The following TRAF6 variants were observed in gnomAD, a reference collection of about 807,000 sequenced individuals.
TRAF6 encodes TNF receptor-associated factor 6.
TRAF6 carries 10 observed loss-of-function variants against 48.4 expected under a neutral mutation model. The observed-to-expected ratio is 0.21, with a 90% CI of 0.13 to 0.35. The LOEUF (loss-of-function observed/expected upper bound fraction) is 0.35, where lower values mean the gene tolerates loss of function less well. TRAF6 is among the 10% of genes least tolerant of loss of function. TRAF6 has a pLI of 1.00. For synonymous variants in TRAF6, 186 were observed against 219.6 expected (o/e 0.85, Z 1.35); for missense variants, 397 against 661.0 (o/e 0.60, Z 4.38).
intron 5 of TRAF6, 138 bp downstream of exon 5, chr11:36,494,838 A>T: frequency 2.2e-6 from 1 of 455,142 alleles, no homozygotes; most frequent in South Asian, 4.5e-5. Context: ...ATTAATTTAT[A>T]TAAAAAATTT....
At chr11:36,497,487 T>C (rs1859656398) in intron 3 of TRAF6, among the ~76,000 whole-genome samples, 2 of 152,228 alleles carry the variant, frequency 1.3e-5, no homozygotes, top group South Asian at 4.1e-4. Flanking sequence ...AGTTCATGCA[T>C]CCAACTAGCA....
rs1303380402 is a variant in TRAF6, at chr11:36,503,249, G to A, written c.-22-1712C>T. ...CCAGCACTACTACACTACATTGACAGAATTCCAAAGAATCTGCAAAGAAAC... is the reference window on the plus strand; with the variant it reads ...CCAGCACTACTACACTACATTGACAAAATTCCAAAGAATCTGCAAAGAAAC... On this transcript the variant is annotated intron_variant, in intron 1 of 6. Transcript: ENST00000526995. 2.0e-5 allele frequency among the ~76,000 whole-genome samples: 3 copies of A among 151,682 alleles called. No individual in the cohort carries two copies. The South Asian group carries it at 6.2e-4, about 32-fold the overall frequency.
chr11:36,495,012 G>T lies in TRAF6; in HGVS notation c.642C>A (p.Ile214=). 3.7e-6 allele frequency: 6 copies of T among 1,606,456 alleles called. No individual in the cohort carries two copies. Among genetic ancestry groups the T allele is most frequent in the Non-Finnish European group, 5.1e-6 (6 of 1,173,872 alleles). ...HDQNCPLANV[I]CEYCNTILIR... The stretch of plus-strand genomic sequence containing the variant: ...TGAGTATAGTATTGCAGTATTCACA[G>T]ATGACATTTGCCAAAGGACAGTTCT... Residue 214 remains isoleucine, a synonymous_variant, in exon 5 of 7, where the codon ATC becomes ATA. Coordinates refer to ENST00000526995, the MANE Select transcript of TRAF6 (RefSeq NM_004620.4).
In TRAF6 at chr11:36,485,818, T is replaced by C. The variant is rs899871450; in HGVS notation, c.*4020A>G. ...CATCCAATTTGATTTCATCAGATCA[T>C]CTTTCTGGATACTGGGAATTTGTAA... On this transcript the variant is annotated 3_prime_UTR_variant, in exon 7 of 7. Transcript: ENST00000526995. Among the ~76,000 whole-genome samples the C allele has an allele frequency of 2.0e-5, 3 of 152,128 alleles. No homozygotes were observed. The highest frequency in any genetic ancestry group is 4.8e-5 in the African/African-American group (2 of 41,376).
chr11:36,506,514 A>T (rs1859786458), intron 1 of TRAF6, among the ~76,000 whole-genome samples: 1 of 152,138 alleles, frequency 6.6e-6, no homozygotes, highest in Non-Finnish European at 1.5e-5. Flanking sequence ...CAAAGGCAGA[A>T]ATTATGAAGC....
At position 36,490,714 on chromosome 11, in the gene TRAF6, G is replaced by A. The variant is rs1859552181; in HGVS notation, c.757-64C>T. The A allele has an allele frequency of 2.1e-6, 3 of 1,456,380 alleles. No homozygotes were observed. The African/African-American group carries it at 4.2e-5, about 21-fold the overall frequency. 90.2% of individuals were successfully genotyped at this position (1,456,380 alleles called of 1,614,324 possible). ...CCGTGAGGAGTAGGAAAAGGACCTG[G>A]CCAGGTCAAATAAGAAGTTTTCAAG... On this transcript the variant is annotated intron_variant, in intron 6 of 6. Coordinates refer to ENST00000526995, the MANE Select transcript of TRAF6 (RefSeq NM_004620.4). The surrounding 1 kb of genome is among the most constrained non-coding windows in gnomAD (Gnocchi z 6.4).
Position 36,486,331 on chromosome 11 carries a change from G to A in TRAF6, c.*3507C>T, listed in dbSNP as rs1859483325. Among the ~76,000 whole-genome samples the A allele has an allele frequency of 2.0e-5, 3 of 152,116 alleles. No homozygotes were observed. The highest frequency in any genetic ancestry group is 4.8e-5 in the African/African-American group (2 of 41,382). On this transcript the variant is annotated 3_prime_UTR_variant, in exon 7 of 7. Transcript: ENST00000526995. Reference sequence around the variant, plus strand: ...TGGGATTATAGGCGTGAGCCACCGTGCCCAGCCTAATAGTATTTTATATAA... The same window carrying A: ...TGGGATTATAGGCGTGAGCCACCGTACCCAGCCTAATAGTATTTTATATAA...
chr11:36,498,674 AAG>A, intron 2 of TRAF6, 34 bp from the exon 3 acceptor site: 1 of 1,565,366 alleles, frequency 6.4e-7, no homozygotes, highest in Non-Finnish European at 8.6e-7. Flanking sequence ...ATTAGATTTA[AAG>A]ACTCACATTA....
In TRAF6 at chr11:36,486,665, A is replaced by G. The variant is rs1214372837; in HGVS notation, c.*3173T>C. Among the ~76,000 whole-genome samples the G allele has an allele frequency of 1.3e-5, 2 of 152,192 alleles. No homozygotes were observed. The highest frequency in any genetic ancestry group is 4.8e-5 in the African/African-American group (2 of 41,400). On this transcript the variant is annotated 3_prime_UTR_variant, in exon 7 of 7. Coordinates refer to ENST00000526995, the MANE Select transcript of TRAF6 (RefSeq NM_004620.4). ...CTATTTATCCCCAAAATAAAAGTTA[A>G]ATCATATTGTAGTATACCAATAAAC...
chr11:36,494,433 C>T (rs909581799), intron 5 of TRAF6, among the ~76,000 whole-genome samples: 5 of 152,088 alleles, frequency 3.3e-5, no homozygotes, highest in Non-Finnish European at 7.4e-5. Flanking sequence ...TAATGATGCC[C>T]GGTCAGTGGC....
chr11:36,495,492 T>C (rs1411724667), intron 4 of TRAF6, among the ~76,000 whole-genome samples: 1 of 152,216 alleles, frequency 6.6e-6, no homozygotes, highest in Non-Finnish European at 1.5e-5. Context: ...GTTTCTCATA[T>C]GCCCCAGAAG....
At position 36,492,029 on chromosome 11, in the gene TRAF6, C is replaced by T. The variant is rs116344917; in HGVS notation, c.756+522G>A. Reference sequence around the variant, plus strand: ...GCCAGAAACCAAGAGTCATTCTAGACGCCTCCCTCTCCTTCACTCATCACA... The same window carrying T: ...GCCAGAAACCAAGAGTCATTCTAGATGCCTCCCTCTCCTTCACTCATCACA... On this transcript the variant is annotated intron_variant, in intron 6 of 6. Transcript: ENST00000526995. 2.5e-3 allele frequency among the ~76,000 whole-genome samples: 387 copies of T among 152,268 alleles called. 1 individual carries two copies. The highest frequency in any genetic ancestry group is 8.4e-3 in the African/African-American group (350 of 41,546).
intron 6 of TRAF6, among the ~76,000 whole-genome samples, chr11:36,491,160 T>C (rs1225860998): frequency 1.3e-5 from 2 of 151,940 alleles, no homozygotes; most frequent in Non-Finnish European, 2.9e-5. Context: ...CCATTTTTTT[T>C]AAAGTCAAGA....
intron 4 of TRAF6, chr11:36,496,395 T>C (rs1347028671): frequency 6.6e-6 from 1 of 152,164 alleles, no homozygotes. Context: ...CTGACCAACA[T>C]GGAGAAACCT....
At chr11:36,494,845 AT>A in intron 5 of TRAF6, 130 bp downstream of exon 5, 1 of 487,274 alleles carries the variant, frequency 2.1e-6, no homozygotes, top group East Asian at 3.9e-5. Context: ...TATATAAAAA[AT>A]TTTCACACAG....
At position 36,486,363 on chromosome 11, in the gene TRAF6, GAGT is replaced by G. The variant is rs1287986994; in HGVS notation, c.*3472_*3474del. Among the ~76,000 whole-genome samples, 2 of 152,128 alleles carry G rather than the reference GAGT, an allele frequency of 1.3e-5. No individual in the cohort carries two copies. Among genetic ancestry groups the G allele is most frequent in the Non-Finnish European group, 2.9e-5 (2 of 68,028 alleles). On this transcript the variant is annotated 3_prime_UTR_variant, in exon 7 of 7. Transcript: ENST00000526995. ...CTAATAGTATTTTATATAAAATAAT[GAGT>G]AGAACTTGAGGCAAGCCAAGAGAAC...
intron 1 of TRAF6, among the ~76,000 whole-genome samples, chr11:36,505,347 C>T (rs1028384294): frequency 1.2e-4 from 18 of 152,250 alleles, no homozygotes; most frequent in African/African-American, 3.9e-4. Context: ...TACATCAACA[C>T]TTGCTCTTTC....
chr11:36,492,605 G>A lies in TRAF6; in HGVS notation c.702C>T (p.Asp234=). The part of the protein sequence containing the change: ...REQMPNHYDL[D]CPTAPIPCTF... ...TGCATGGAATTGGGGCTGTAGGGCAGTCTAGATCATAATGATTAGGCATCT... is the reference window on the plus strand; with the variant it reads ...TGCATGGAATTGGGGCTGTAGGGCAATCTAGATCATAATGATTAGGCATCT... The change falls in exon 6 of 7, where the codon GAC becomes GAT. Residue 234 remains aspartate (D), a synonymous_variant. Transcript: ENST00000526995. 1.2e-6 allele frequency: 2 copies of A among 1,610,984 alleles called. No individual in the cohort carries two copies. The highest frequency in any genetic ancestry group is 1.7e-6 in the Non-Finnish European group (2 of 1,179,236).
At chr11:36,491,876 T>A (rs1370811845) in intron 6 of TRAF6, among the ~76,000 whole-genome samples, 1 of 152,240 alleles carries the variant, frequency 6.6e-6, no homozygotes, top group East Asian at 1.9e-4. Context: ...GTTCCCTAGC[T>A]GGGTGAAGTC....
Sources: gnomAD v4.1 joint callset for allele counts (sites outside exome capture counted in the v4.1 genomes callset) on GRCh38, gnomAD v4.1.1 for gene constraint, Gnocchi (gnomAD v3.1) non-coding constraint, MANE v1.5 for transcripts, NCBI Gene and HGNC (gene_info 2026-07-23, HGNC 2026-07-21) for gene names.